The following MAP3K4 variants were observed in gnomAD, a reference collection of about 807,000 sequenced individuals.
MAP3K4 encodes the protein MAP three kinase 1.
MAP3K4 carries 67 observed loss-of-function variants against 185.6 expected under a neutral mutation model. The ratio of observed to expected loss-of-function variants is 0.36; its 90% confidence interval spans 0.30 to 0.44. MAP3K4 has a LOEUF of 0.44. MAP3K4 is among the 20% of genes least tolerant of loss of function. MAP3K4 has a pLI of 1.00. For missense variants in MAP3K4, 1,551 were observed against 1,995.1 expected (o/e 0.78, Z 4.24); for synonymous variants, 702 against 710.4 (o/e 0.99, Z 0.19).
chr6:161,115,056 CTG>C lies in MAP3K4; in HGVS notation c.4627-66_4627-65del. On this transcript the variant is annotated intron_variant, in intron 25 of 26. Transcript: ENST00000392142. This position sits in a 1 kb window ranked among gnomAD's most constrained non-coding sequence, Gnocchi z 6.0. Reference sequence around the variant, plus strand: ...TAATGATGAGATGCTTAAAAACAGACTGAACATTTGCGTTGTTTGTGGCTGTG... The same window carrying C: ...TAATGATGAGATGCTTAAAAACAGACAACATTTGCGTTGTTTGTGGCTGTG... 7.2e-7 allele frequency: 1 copy of C among 1,387,522 alleles called. No individual in the cohort carries two copies. The highest frequency in any genetic ancestry group is 1.0e-6 in the Non-Finnish European group (1 of 1,001,652). The allele number at this position is 1,387,522 out of a possible 1,614,324, so 86.0% of individuals were successfully genotyped here. A position where few individuals can be genotyped will look rare whatever the true frequency, so the allele number is the denominator to read the frequency against.
chr6:161,014,217 C>T (rs988461240), intron 1 of MAP3K4, among the ~76,000 whole-genome samples: 2 of 152,154 alleles, frequency 1.3e-5, no homozygotes, highest in African/African-American at 4.8e-5. Context: ...CAAAGGAGCG[C>T]CCTTTCCTTT....
chr6:161,089,535 A>C, intron 11 of MAP3K4, 64 bp downstream of exon 11: 1 of 1,581,690 alleles, frequency 6.3e-7, no homozygotes, highest in Non-Finnish European at 8.6e-7. Context: ...GTGTGTGGTA[A>C]TGTGTGTAAG....
chr6:161,011,806 A>C (rs1781853364), intron 1 of MAP3K4, among the ~76,000 whole-genome samples: 5 of 152,186 alleles, frequency 3.3e-5, no homozygotes, highest in African/African-American at 1.2e-4. Flanking sequence ...TGACTAGTTA[A>C]GTCAGTAGTA....
At chr6:161,031,275 CTTTTA>C (rs1453750193) in intron 1 of MAP3K4, among the ~76,000 whole-genome samples, 2 of 152,152 alleles carry the variant, frequency 1.3e-5, no homozygotes, top group Non-Finnish European at 2.9e-5. Context: ...TATTCTTGTA[CTTTTA>C]TTTGACAGTA....
rs973462165 is a variant in MAP3K4, at chr6:161,077,873, A to C, written c.2098-3008A>C. On this transcript the variant is annotated intron_variant, in intron 5 of 26. Coordinates refer to ENST00000392142, the MANE Select transcript of MAP3K4 (RefSeq NM_005922.4). This position sits in a 1 kb window ranked among gnomAD's most constrained non-coding sequence, Gnocchi z 4.3. Reference sequence around the variant, plus strand: ...AAACTAAGGGAAAGAGATGGGAAAAAAATATATATATGTATTAATATGTAT... The same window carrying C: ...AAACTAAGGGAAAGAGATGGGAAAACAATATATATATGTATTAATATGTAT... 2.6e-5 allele frequency among the ~76,000 whole-genome samples: 4 copies of C among 152,094 alleles called. No homozygotes were observed. The highest frequency in any genetic ancestry group is 9.7e-5 in the African/African-American group (4 of 41,404).
chr6:161,012,025 C>T (rs917050695), intron 1 of MAP3K4, among the ~76,000 whole-genome samples: 1 of 152,142 alleles, frequency 6.6e-6, no homozygotes, highest in Non-Finnish European at 1.5e-5. Flanking sequence ...TGGCAATCTC[C>T]CCACCCTCAG....
At position 161,038,432 on chromosome 6, in the gene MAP3K4, T is replaced by A. The variant is rs58645207; in HGVS notation, c.343+3983T>A. Among the ~76,000 whole-genome samples the A allele has an allele frequency of 5.6e-3, 850 of 152,316 alleles. 7 individuals are homozygous for A. The highest frequency in any genetic ancestry group is 0.02 in the African/African-American group (831 of 41,564). On this transcript the variant is annotated intron_variant, in intron 2 of 26. Coordinates refer to ENST00000392142, the MANE Select transcript of MAP3K4 (RefSeq NM_005922.4). ...AGCTTTTTAGAATTAATTAGATTGG[T>A]CAGATTTATTTAAAAAGCTGTCCAA... is the stretch of plus-strand genomic sequence containing the variant.
Position 161,061,092 on chromosome 6 carries a change from T to G in MAP3K4, c.1708-9516T>G, listed in dbSNP as rs905736682. 2.0e-5 allele frequency among the ~76,000 whole-genome samples: 3 copies of G among 152,226 alleles called. No individual in the cohort carries two copies. The highest frequency in any genetic ancestry group is 4.4e-5 in the Non-Finnish European group (3 of 68,038). ...ACACATACACAAAATGCATCACATGTCCTTTCTGATAGTTCTGATTCAAAT... is the reference window on the plus strand; with the variant it reads ...ACACATACACAAAATGCATCACATGGCCTTTCTGATAGTTCTGATTCAAAT... On this transcript the variant is annotated intron_variant, in intron 3 of 26. Transcript: ENST00000392142. This position sits in a 1 kb window ranked among gnomAD's most constrained non-coding sequence, Gnocchi z 4.2.
At chr6:160,998,378 T>A (rs1310584858) in intron 1 of MAP3K4, among the ~76,000 whole-genome samples, 1 of 152,230 alleles carries the variant, frequency 6.6e-6, no homozygotes, top group East Asian at 1.9e-4. Flanking sequence ...GATGAACGTG[T>A]TACACATTTT....
At position 161,056,150 on chromosome 6, in the gene MAP3K4, T is replaced by A. The variant is rs904898000; in HGVS notation, c.1707+6171T>A. Among the ~76,000 whole-genome samples the A allele has an allele frequency of 2.0e-5, 3 of 152,216 alleles. No individual in the cohort carries two copies. The highest frequency in any genetic ancestry group is 7.2e-5 in the African/African-American group (3 of 41,456). On this transcript the variant is annotated intron_variant, in intron 3 of 26. Transcript: ENST00000392142. The surrounding 1 kb of genome is among the most constrained non-coding windows in gnomAD (Gnocchi z 5.4). Reference sequence around the variant, plus strand: ...TGTCGTTTGATATGCTCCCCTCTTTTGTTGTATTATTTTCCTTTTGATTTG... The same window carrying A: ...TGTCGTTTGATATGCTCCCCTCTTTAGTTGTATTATTTTCCTTTTGATTTG...
chr6:161,014,272 A>G (rs1271190327), intron 1 of MAP3K4, among the ~76,000 whole-genome samples: 1 of 152,102 alleles, frequency 6.6e-6, no homozygotes, highest in Non-Finnish European at 1.5e-5. Flanking sequence ...ACCACTGGGT[A>G]TTATATCTTA....
rs1470556552 is a variant in MAP3K4 at position 160,991,852 on chromosome 6, T to A, written c.-80T>A. On this transcript the variant is annotated 5_prime_UTR_variant, in exon 1 of 27. Transcript: ENST00000392142. This position sits in a 1 kb window ranked among gnomAD's most constrained non-coding sequence, Gnocchi z 5.7. ...AGAGGCGGAGGCGGAGTCGAGTCAC[T>A]CCCGCACTTCGGGGCTCCGGTGCCC... 11 of 1,404,222 alleles carry A rather than the reference T, an allele frequency of 7.8e-6. No homozygotes were observed. The highest frequency in any genetic ancestry group is 9.2e-6 in the Non-Finnish European group (10 of 1,087,174). 87.0% of individuals were successfully genotyped at this position (1,404,222 alleles called of 1,614,324 possible).
At position 161,064,137 on chromosome 6, in the gene MAP3K4, G is replaced by A. The variant is rs1199578417; in HGVS notation, c.1708-6471G>A. ...CAGTTTGACCTGTACTAAATTGCCA[G>A]TATTTGACCATTTTCAATGAACGAA... On this transcript the variant is annotated intron_variant, in intron 3 of 26. Coordinates refer to ENST00000392142, the MANE Select transcript of MAP3K4 (RefSeq NM_005922.4). This position sits in a 1 kb window ranked among gnomAD's most constrained non-coding sequence, Gnocchi z 4.3. Among the ~76,000 whole-genome samples the A allele has an allele frequency of 6.6e-6, 1 of 152,098 alleles. No individual in the cohort carries two copies. The highest frequency in any genetic ancestry group is 1.5e-5 in the Non-Finnish European group (1 of 68,012).
chr6:161,059,070 G>T (rs184828245), intron 3 of MAP3K4, among the ~76,000 whole-genome samples: 2 of 152,142 alleles, frequency 1.3e-5, no homozygotes, highest in East Asian at 3.9e-4. Context: ...TTAAAACAGT[G>T]CAGGAGAAAT....
intron 3 of MAP3K4, 25 bp downstream of exon 3, chr6:161,050,004 C>G: frequency 6.4e-7 from 1 of 1,552,996 alleles, no homozygotes; most frequent in South Asian, 1.2e-5. Context: ...GGTATTAATA[C>G]AATGATATCC....
In MAP3K4 at chr6:161,070,685, A is replaced by T. The variant is rs748877008; in HGVS notation, c.1785A>T (p.Lys595Asn). 4 of 1,614,084 alleles carry T rather than the reference A, an allele frequency of 2.5e-6. No homozygotes were observed. Among genetic ancestry groups the T allele is most frequent in the Non-Finnish European group, 3.4e-6 (4 of 1,180,010 alleles). ...GGACACCACCTTCATCTGAGGAGAA[A>T]TGCAGTGCTGTGTCGTGGGAGGAGC... is the stretch of plus-strand genomic sequence containing the variant. ...LSRTPPSSEE[K>N]CSAVSWEELK... The change falls in exon 4 of 27, where the codon AAA becomes AAT. Residue 595 changes from lysine to asparagine, a missense_variant. By Grantham distance (94) the Lys-to-Asn change is moderately conservative. Coordinates refer to ENST00000392142, the MANE Select transcript of MAP3K4 (RefSeq NM_005922.4). This position sits in a 1 kb window ranked among gnomAD's most constrained non-coding sequence, Gnocchi z 4.5.
Position 161,091,612 on chromosome 6 carries a change from C to T in MAP3K4, c.3135+72C>T. ...GATAACTTACAGAAAGTTTTTGGAA[C>T]CTTTTACAGTAAATCTGATATTGTA... On this transcript the variant is annotated intron_variant, in intron 12 of 26. Coordinates refer to ENST00000392142, the MANE Select transcript of MAP3K4 (RefSeq NM_005922.4). The surrounding 1 kb of genome is among the most constrained non-coding windows in gnomAD (Gnocchi z 5.5). The T allele has an allele frequency of 3.0e-6, 4 of 1,315,392 alleles. No individual in the cohort carries two copies. Among genetic ancestry groups the T allele is most frequent in the Non-Finnish European group, 4.3e-6 (4 of 936,870 alleles). The allele number at this position is 1,315,392 out of a possible 1,614,324, so 81.5% of individuals were successfully genotyped here. A position where few individuals can be genotyped will look rare whatever the true frequency, so the allele number is the denominator to read the frequency against.
At chr6:161,094,336 A>G (rs1777475084) in intron 15 of MAP3K4, among the ~76,000 whole-genome samples, 2 of 152,184 alleles carry the variant, frequency 1.3e-5, no homozygotes, top group Admixed American at 1.3e-4. Flanking sequence ...ATTTGGTTTT[A>G]CTGTTTAAAA....
intron 3 of MAP3K4, 42 bp downstream of exon 3, chr6:161,050,021 C>T (rs763277145): frequency 1.5e-5 from 22 of 1,503,056 alleles, no homozygotes; most frequent in Non-Finnish European, 2.0e-5. Context: ...ATCCTTAGTT[C>T]CATTTATTTA....
Sources: allele counts gnomAD v4.1 joint callset (sites outside exome capture counted in the v4.1 genomes callset), GRCh38; gene constraint gnomAD v4.1.1; non-coding constraint Gnocchi (gnomAD v3.1); transcripts MANE v1.5; gene names NCBI Gene and HGNC (gene_info 2026-07-23, HGNC 2026-07-21).